CASP4: variants seen among roughly 807,000 people sequenced by gnomAD.
The protein encoded by CASP4 is caspase 4.
A neutral mutation model predicts 41.3 loss-of-function variants in CASP4; 29 were observed. That is an observed-to-expected ratio of 0.70 (90% CI 0.52 to 0.96). The LOEUF (loss-of-function observed/expected upper bound fraction) is 0.96. Among genes scored for constraint, CASP4 ranks in the 40% least tolerant of loss-of-function variants. The pLI, the probability that CASP4 is intolerant of heterozygous loss-of-function variation, is 0.00. For synonymous variants in CASP4, 185 were observed against 158.4 expected, an observed-to-expected ratio of 1.17 and a Z score of -1.26; for missense variants, 447 against 460.6, an observed-to-expected ratio of 0.97 and a Z score of 0.27.
chr11:104,946,993 C>T (rs1260867919), intron 7 of CASP4, 90 bp downstream of exon 7: 15 of 904,592 alleles, frequency 1.7e-5, no homozygotes, highest in Non-Finnish European at 2.7e-5. Flanking sequence ...TTTCACTTCC[C>T]TGACAAAAAT....
intron 1 of CASP4, among the ~76,000 whole-genome samples, chr11:104,962,771 T>C (rs1039235239): frequency 2.0e-5 from 3 of 152,228 alleles, no homozygotes; most frequent in Non-Finnish European, 4.4e-5. Context: ...CAATAGAAAC[T>C]GCTCAATGCT....
In CASP4 at chr11:104,951,083, C is replaced by G. The variant is rs1173753160; in HGVS notation, c.388G>C (p.Glu130Gln). 3 of 1,612,694 alleles carry G rather than the reference C, an allele frequency of 1.9e-6. No homozygotes were observed. In the African/African-American group the frequency reaches 4.0e-5, roughly 22 times the overall value. Residue 130 changes from glutamate to glutamine, a missense_variant, in exon 4 of 9, where the codon GAG becomes CAG. Coordinates refer to ENST00000444739, the MANE Select transcript of CASP4 (RefSeq NM_001225.4). ...ERAEEIYPIK[E>Q]RNNRTRLALI... ...GCCAGGCGTGTGCGGTTGTTTCTCTCCTTTATTGGATAGATCTGCAGGATA... is the reference window on the plus strand; with the variant it reads ...GCCAGGCGTGTGCGGTTGTTTCTCTGCTTTATTGGATAGATCTGCAGGATA...
At chr11:104,943,811 A>C (rs55743104) in intron 8 of CASP4, 1 of 152,230 alleles carries the variant, frequency 6.6e-6, no homozygotes, top group Admixed American at 6.5e-5. Flanking sequence ...AAATGATGCA[A>C]TATTGTGACT....
intron 5 of CASP4, chr11:104,949,155 G>C (rs1460703267): frequency 3.5e-6 from 1 of 283,514 alleles, no homozygotes; most frequent in African/African-American, 2.2e-5. Context: ...TAAGAAAAAG[G>C]GATGCTGTTT....
rs1439830902 is a variant in CASP4 at position 104,954,966 on chromosome 11, C to T, written c.43G>A (p.Glu15Lys). ...GTGAGGAAATCTTTGCCCAGGGATT[C>T]CAACACCTTAAGTGGCTTTTTTCTG... The part of the protein sequence containing the change: ...NHRKKPLKVL[E>K]SLGKDFLTGV... Residue 15 changes from glutamate to lysine, a missense_variant, in exon 2 of 9, where the codon GAA becomes AAA. Coordinates refer to ENST00000444739, the MANE Select transcript of CASP4 (RefSeq NM_001225.4). 4 of 1,613,444 alleles carry T rather than the reference C, an allele frequency of 2.5e-6. No homozygotes were observed. The highest frequency in any genetic ancestry group is 3.4e-6 in the Non-Finnish European group (4 of 1,179,698).
chr11:104,952,133 T>C, intron 2 of CASP4, 128 bp from the exon 3 acceptor site: 1 of 608,298 alleles, frequency 1.6e-6, no homozygotes, highest in Admixed American at 2.8e-5. Context: ...TTGTATCTCA[T>C]ATCTAGTATT....
chr11:104,951,080 T>C lies in CASP4; in HGVS notation c.391A>G (p.Arg131Gly). 1.2e-6 allele frequency: 2 copies of C among 1,613,018 alleles called. No individual in the cohort carries two copies. Among genetic ancestry groups the C allele is most frequent in the Non-Finnish European group, 1.7e-6 (2 of 1,179,330 alleles). Residue 131 changes from arginine to glycine, a missense_variant, in exon 4 of 9, where the codon AGA becomes GGA. Arg to Gly is a moderately radical substitution (Grantham distance 125). Coordinates refer to ENST00000444739, the MANE Select transcript of CASP4 (RefSeq NM_001225.4). ...AGAGCCAGGCGTGTGCGGTTGTTTC[T>C]CTCCTTTATTGGATAGATCTGCAGG... The part of the protein sequence containing the change: ...RAEEIYPIKE[R>G]NNRTRLALII...
At chr11:104,954,675 C>T in intron 2 of CASP4, 72 bp downstream of exon 2, 1 of 1,340,776 alleles carries the variant, frequency 7.5e-7, no homozygotes, top group Non-Finnish European at 1.0e-6. Context: ...TCACAGAAGA[C>T]ACTGCTTAGG....
At chr11:104,948,407 TA>T in intron 6 of CASP4, 125 bp downstream of exon 6, 1 of 968,570 alleles carries the variant, frequency 1.0e-6, no homozygotes, top group Non-Finnish European at 1.4e-6. Context: ...TAAGATCATG[TA>T]AAATATGTGG....
At chr11:104,964,365 T>C (rs549518231) in intron 1 of CASP4, among the ~76,000 whole-genome samples, 3 of 152,340 alleles carry the variant, frequency 2.0e-5, no homozygotes, top group Admixed American at 1.3e-4. Context: ...AACTTATTTC[T>C]TTAGAGATAT....
chr11:104,958,721 G>T (rs1307890666), intron 1 of CASP4, among the ~76,000 whole-genome samples: 1 of 152,150 alleles, frequency 6.6e-6, no homozygotes, highest in Non-Finnish European at 1.5e-5. Context: ...AGCACTTTGT[G>T]AGGTTAAGGC....
At position 104,952,061 on chromosome 11, in the gene CASP4, C is replaced by T. The variant is rs7924383; in HGVS notation, c.263-56G>A. ...TTTCTGCCTCTGTGACCCAATTTATCACCTAAGAAGATCGAGAGAGAAGAC... is the reference window on the plus strand; with the variant it reads ...TTTCTGCCTCTGTGACCCAATTTATTACCTAAGAAGATCGAGAGAGAAGAC... On this transcript the variant is annotated intron_variant, in intron 2 of 8. Coordinates refer to ENST00000444739, the MANE Select transcript of CASP4 (RefSeq NM_001225.4). The T allele has an allele frequency of 3.6e-4, 383 of 1,056,136 alleles. 1 individual carries two copies. The highest frequency in any genetic ancestry group is 2.3e-3 in the South Asian group (185 of 79,670). 65.4% of individuals were successfully genotyped at this position (1,056,136 alleles called of 1,614,324 possible).
At chr11:104,961,311 G>A (rs1225625604) in intron 1 of CASP4, among the ~76,000 whole-genome samples, 1 of 152,246 alleles carries the variant, frequency 6.6e-6, no homozygotes, top group Non-Finnish European at 1.5e-5. Context: ...AAGGGTGTCT[G>A]GATTGGTGAG....
At chr11:104,958,481 T>G (rs1860785633) in intron 1 of CASP4, among the ~76,000 whole-genome samples, 1 of 152,080 alleles carries the variant, frequency 6.6e-6, no homozygotes, top group African/African-American at 2.4e-5. Context: ...GAATAAACAC[T>G]TTTCAAAAGA....
At position 104,951,163 on chromosome 11, in the gene CASP4, A is replaced by G. The variant is rs999390196; in HGVS notation, c.373-65T>C. 3.5e-6 allele frequency: 5 copies of G among 1,446,558 alleles called. No individual in the cohort carries two copies. The African/African-American group carries it at 5.7e-5, about 16-fold the overall frequency. 89.6% of individuals were successfully genotyped at this position (1,446,558 alleles called of 1,614,324 possible). ...GTCTCCTTTCAGCCTCCTTATGCCT[A>G]TCAGTGTTGCTTTTTCAAGTCTTCA... On this transcript the variant is annotated intron_variant, in intron 3 of 8. Transcript: ENST00000444739.
At chr11:104,957,927 G>C (rs1359676146) in intron 1 of CASP4, among the ~76,000 whole-genome samples, 1 of 152,014 alleles carries the variant, frequency 6.6e-6, no homozygotes, top group Non-Finnish European at 1.5e-5. Flanking sequence ...TAGCACAATA[G>C]TTGCATAAAA....
At chr11:104,964,336 C>G in intron 1 of CASP4, among the ~76,000 whole-genome samples, 1 of 152,134 alleles carries the variant, frequency 6.6e-6, no homozygotes, top group East Asian at 1.9e-4. Flanking sequence ...ACCAATCCTT[C>G]AGTTTTCACA....
rs760537581 is a variant in CASP4, at chr11:104,951,980, T to A, written c.288A>T (p.Pro96=). 2.5e-6 allele frequency: 4 copies of A among 1,612,140 alleles called. No homozygotes were observed. In the South Asian group the frequency reaches 3.3e-5, roughly 13 times the overall value. ...CATCTGTAGATTCTCCTGACTCAGG[T>A]GGTCCAGCCTCCATATTCGGATGAG... ...KKAHPNMEAG[P]PESGESTDAL... is the part of the protein sequence containing the mutation. Residue 96 remains proline (P), a synonymous_variant, in exon 3 of 9, where the codon CCA becomes CCT. Transcript: ENST00000444739.
intron 2 of CASP4, 56 bp from the exon 3 acceptor site, chr11:104,952,061 C>A: frequency 9.5e-7 from 1 of 1,056,138 alleles, no homozygotes; most frequent in Non-Finnish European, 1.5e-6. Context: ...CCCAATTTAT[C>A]ACCTAAGAAG....
Sources: gnomAD v4.1 joint callset for allele counts (sites outside exome capture counted in the v4.1 genomes callset) on GRCh38, gnomAD v4.1.1 for gene constraint, MANE v1.5 for transcripts, NCBI Gene and HGNC (gene_info 2026-07-23, HGNC 2026-07-21) for gene names.